Variants in CUEDC1 observed in about 807,000 individuals in gnomAD.
CUEDC1 encodes the protein CUE domain containing 1.
CUEDC1 carries 30 observed loss-of-function variants against 43.7 expected under a neutral mutation model. That is an observed-to-expected ratio of 0.69 (90% CI 0.51 to 0.93). The LOEUF (loss-of-function observed/expected upper bound fraction) is 0.93. CUEDC1 is among the 40% of genes least tolerant of loss of function. The pLI is 0.00. For missense variants in CUEDC1, 486 were observed against 549.0 expected (o/e 0.89, Z 1.15); for synonymous variants, 223 against 223.6 (o/e 1.00, Z 0.02).
At chr17:57,951,713 C>T (rs1042660071) in intron 1 of CUEDC1, among the ~76,000 whole-genome samples, 11 of 152,174 alleles carry the variant, frequency 7.2e-5, no homozygotes, top group Admixed American at 2.6e-4. Context: ...CCCGCCTCAG[C>T]CTCCCAAAGT....
chr17:57,939,992 T>A (rs976221406), intron 1 of CUEDC1, among the ~76,000 whole-genome samples: 1 of 151,748 alleles, frequency 6.6e-6, no homozygotes, highest in Non-Finnish European at 1.5e-5. Context: ...GAGTCTTCAA[T>A]TCCCCTATGG....
chr17:57,948,592 C>T (rs569457957), intron 1 of CUEDC1, among the ~76,000 whole-genome samples: 3 of 152,234 alleles, frequency 2.0e-5, no homozygotes, highest in African/African-American at 7.2e-5. Flanking sequence ...CCTCCGATCA[C>T]CGAGCTGACA....
chr17:57,910,661 GAAGAA>G (rs1189936831), intron 1 of CUEDC1, among the ~76,000 whole-genome samples: 2 of 151,950 alleles, frequency 1.3e-5, no homozygotes, highest in South Asian at 2.1e-4. Flanking sequence ...GGAAAAAAGA[GAAGAA>G]AAGAAAAAAG....
chr17:57,877,326 A>G (rs1002335677), intron 3 of CUEDC1, among the ~76,000 whole-genome samples: 2 of 152,170 alleles, frequency 1.3e-5, no homozygotes, highest in Non-Finnish European at 2.9e-5. Context: ...GGATATCCAT[A>G]CCACATTTAT....
intron 1 of CUEDC1, among the ~76,000 whole-genome samples, chr17:57,919,872 C>T (rs115836065): frequency 0.033 from 5,080 of 152,232 alleles, 97 homozygotes; most frequent in South Asian, 0.055. Context: ...GCACAAACAG[C>T]CCCCAGTAAT....
At chr17:57,929,264 G>T (rs2074780055) in intron 1 of CUEDC1, among the ~76,000 whole-genome samples, 1 of 152,122 alleles carries the variant, frequency 6.6e-6, no homozygotes, top group African/African-American at 2.4e-5. Context: ...TGAGGCAGGG[G>T]CATTATCATC....
chr17:57,885,479 G>A lies in CUEDC1; in HGVS notation c.86C>T (p.Ala29Val). ...GARGGGGGTA[A>V]PQELNNSRPA... ...CCGGCTGTTGTTGAGCTCCTGGGGG[G>A]CGGCCGTGCCTCCCCCGCCCCCGCG... Residue 29 changes from alanine (A) to valine (V), a missense_variant, in exon 2 of 11, where the codon GCC becomes GTC. Coordinates refer to ENST00000577830, the MANE Select transcript of CUEDC1 (RefSeq NM_001271875.2). The A allele has an allele frequency of 1.3e-6, 2 of 1,570,662 alleles. No individual in the cohort carries two copies. The highest frequency in any genetic ancestry group is 1.7e-6 in the Non-Finnish European group (2 of 1,163,394).
chr17:57,916,221 A>AG (rs2074638745), intron 1 of CUEDC1, among the ~76,000 whole-genome samples: 1 of 152,216 alleles, frequency 6.6e-6, no homozygotes, highest in African/African-American at 2.4e-5. Context: ...CAGAAGGCCG[A>AG]GGGGGGCTGA....
chr17:57,880,855 CCT>C (rs1196831740), intron 2 of CUEDC1, among the ~76,000 whole-genome samples: 14 of 135,296 alleles, frequency 1.0e-4, no homozygotes, highest in South Asian at 9.1e-4. Context: ...AGGGGCGGCC[CCT>C]GACTGGGAGA....
At chr17:57,912,879 C>T (rs548534328) in intron 1 of CUEDC1, among the ~76,000 whole-genome samples, 3 of 152,202 alleles carry the variant, frequency 2.0e-5, no homozygotes, top group Non-Finnish European at 4.4e-5. Context: ...CACTCTGTCA[C>T]CTAGGCTGTA....
chr17:57,899,798 G>A (rs1487605175), intron 1 of CUEDC1, among the ~76,000 whole-genome samples: 1 of 152,130 alleles, frequency 6.6e-6, no homozygotes, highest in Non-Finnish European at 1.5e-5. Context: ...CAACTCTGAA[G>A]CTATGTTTTT....
intron 1 of CUEDC1, among the ~76,000 whole-genome samples, chr17:57,927,116 G>A (rs898219737): frequency 6.6e-6 from 1 of 152,200 alleles, no homozygotes; most frequent in South Asian, 2.1e-4. Context: ...CCAATGTTTA[G>A]AATCCTTTAA....
rs144876990 is a variant in CUEDC1 at position 57,907,954 on chromosome 17, C to A, written c.-315-22075G>T. Among the ~76,000 whole-genome samples, 171 of 152,146 alleles carry A rather than the reference C, an allele frequency of 1.1e-3. 1 individual carries two copies. The highest frequency in any genetic ancestry group is 3.7e-3 in the African/African-American group (153 of 41,502). ...CAAATTCCTGTGACTTGAGGCCAAG[C>A]CATAAGATCCAGAATAGGGAATAAG... On this transcript the variant is annotated intron_variant, in intron 1 of 10. Transcript: ENST00000577830.
Position 57,885,599 on chromosome 17 carries a change from G to A in CUEDC1, c.-35C>T, listed in dbSNP as rs1313634109. ...CCGCTTGGGGAAAATGTTTCTAGCC[G>A]GCCGCAAAGCCCCTTCCCCAGGGTC... On this transcript the variant is annotated 5_prime_UTR_variant, in exon 2 of 11. Coordinates refer to ENST00000577830, the MANE Select transcript of CUEDC1 (RefSeq NM_001271875.2). 3 of 1,345,080 alleles carry A rather than the reference G, an allele frequency of 2.2e-6. No homozygotes were observed. Among genetic ancestry groups the A allele is most frequent in the African/African-American group, 3.1e-5 (2 of 64,564 alleles). 83.3% of individuals were successfully genotyped at this position (1,345,080 alleles called of 1,614,324 possible). A position where few individuals can be genotyped will look rare whatever the true frequency, so the allele number is the denominator to read the frequency against.
intron 1 of CUEDC1, among the ~76,000 whole-genome samples, chr17:57,893,919 C>T (rs2074382538): frequency 6.6e-6 from 1 of 152,144 alleles, no homozygotes; most frequent in Admixed American, 6.5e-5. Flanking sequence ...AATGGTGAAA[C>T]ACCGTCTCTA....
At chr17:57,884,747 C>T (rs1282061311) in intron 2 of CUEDC1, among the ~76,000 whole-genome samples, 1 of 152,260 alleles carries the variant, frequency 6.6e-6, no homozygotes, top group Non-Finnish European at 1.5e-5. Flanking sequence ...TCTGCTGCTT[C>T]CACGTCTCCA....
At chr17:57,896,921 C>T (rs944047732) in intron 1 of CUEDC1, among the ~76,000 whole-genome samples, 1 of 151,788 alleles carries the variant, frequency 6.6e-6, no homozygotes, top group Non-Finnish European at 1.5e-5. Context: ...AGGTGCGTGC[C>T]ACCATGCCAA....
intron 1 of CUEDC1, among the ~76,000 whole-genome samples, chr17:57,951,835 T>A (rs1598031649): frequency 6.6e-6 from 1 of 152,222 alleles, no homozygotes; most frequent in South Asian, 2.1e-4. Context: ...GTCACATTTA[T>A]AAGAAGGGAG....
intron 1 of CUEDC1, among the ~76,000 whole-genome samples, chr17:57,887,899 T>TA: frequency 8.6e-6 from 1 of 116,188 alleles, no homozygotes; most frequent in East Asian, 2.3e-4. Flanking sequence ...TCTTTTTCTC[T>TA]TTTTTTTTTT....
Sources: allele counts gnomAD v4.1 joint callset (sites outside exome capture counted in the v4.1 genomes callset), GRCh38; gene constraint gnomAD v4.1.1; transcripts MANE v1.5; gene names NCBI Gene and HGNC (gene_info 2026-07-23, HGNC 2026-07-21).